The following RIC1 variants were observed in gnomAD, a reference collection of about 807,000 sequenced individuals.
RIC1 encodes the protein guanine nucleotide exchange factor subunit RIC1.
In RIC1, 88 loss-of-function variants were observed where a neutral mutation model predicts 169.0. The ratio of observed to expected loss-of-function variants is 0.52; its 90% CI spans 0.44 to 0.62. RIC1 has a LOEUF of 0.62. RIC1 is among the 20% of genes least tolerant of loss of function. The pLI is 0.00. For synonymous variants in RIC1, 790 were observed against 601.5 expected, an observed-to-expected ratio of 1.31 and a Z score of -4.59; for missense variants, 1,877 against 1,725.5, an observed-to-expected ratio of 1.09 and a Z score of -1.56.
chr9:5,746,670 C>T (rs1036319946), intron 11 of RIC1, among the ~76,000 whole-genome samples: 3 of 152,184 alleles, frequency 2.0e-5, no homozygotes, highest in Admixed American at 6.5e-5. Context: ...AACACTGCCT[C>T]TTGTATTTCT....
At chr9:5,636,465 G>T (rs1210443367) in intron 1 of RIC1, among the ~76,000 whole-genome samples, 1 of 151,968 alleles carries the variant, frequency 6.6e-6, no homozygotes, top group Non-Finnish European at 1.5e-5. Context: ...GATTACAGGT[G>T]CCTGCCACCA....
intron 2 of RIC1, among the ~76,000 whole-genome samples, chr9:5,687,077 G>T (rs1821294805): frequency 6.6e-6 from 1 of 152,102 alleles, no homozygotes; most frequent in South Asian, 2.1e-4. Context: ...TTGGTGGTTT[G>T]TGTTTATCAA....
intron 2 of RIC1, among the ~76,000 whole-genome samples, chr9:5,660,422 T>G (rs7045399): frequency 6.6e-6 from 1 of 152,012 alleles, no homozygotes; most frequent in Non-Finnish European, 1.5e-5. Flanking sequence ...CTTTGAGGAA[T>G]TGCCTACTGT....
At chr9:5,737,925 C>T (rs761114633) in intron 7 of RIC1, among the ~76,000 whole-genome samples, 2 of 152,014 alleles carry the variant, frequency 1.3e-5, no homozygotes, top group South Asian at 2.1e-4. Flanking sequence ...TTCATTGTCA[C>T]CGTGTTCATG....
intron 2 of RIC1, among the ~76,000 whole-genome samples, chr9:5,682,835 C>G (rs1181370718): frequency 1.3e-5 from 2 of 152,176 alleles, no homozygotes; most frequent in African/African-American, 4.8e-5. Flanking sequence ...TCACATAGTC[C>G]TATATTTCTT....
chr9:5,695,375 C>T (rs1010840916), intron 3 of RIC1, among the ~76,000 whole-genome samples: 3 of 152,144 alleles, frequency 2.0e-5, no homozygotes, highest in African/African-American at 4.8e-5. Context: ...AGAGCGCACC[C>T]GCTTTTTTCT....
At chr9:5,656,484 T>G in intron 1 of RIC1, 99 bp from the exon 2 acceptor site, 1 of 550,774 alleles carries the variant, frequency 1.8e-6, no homozygotes. Flanking sequence ...TATTTTACTG[T>G]AAAAATACTT....
At chr9:5,728,057 A>C (rs1225914195) in intron 6 of RIC1, among the ~76,000 whole-genome samples, 2 of 152,018 alleles carry the variant, frequency 1.3e-5, no homozygotes, top group Non-Finnish European at 2.9e-5. Context: ...GCAAACCACT[A>C]CTCTCTTCAA....
intron 2 of RIC1, among the ~76,000 whole-genome samples, chr9:5,682,520 A>G (rs567148662): frequency 5.9e-5 from 9 of 152,282 alleles, no homozygotes; most frequent in South Asian, 2.1e-4. Flanking sequence ...GTTTCTGCCA[A>G]GAGATCGGCT....
chr9:5,654,715 G>C (rs995752393), intron 1 of RIC1, among the ~76,000 whole-genome samples: 1 of 151,480 alleles, frequency 6.6e-6, no homozygotes, highest in African/African-American at 2.4e-5. Context: ...AACCACACCT[G>C]GCTAATTTTT....
chr9:5,698,725 G>C (rs981474427), intron 3 of RIC1, among the ~76,000 whole-genome samples: 6 of 152,106 alleles, frequency 3.9e-5, no homozygotes, highest in Non-Finnish European at 8.8e-5. Flanking sequence ...GTTGCTTTCT[G>C]TGCTGTGTGT....
intron 2 of RIC1, among the ~76,000 whole-genome samples, chr9:5,661,658 TA>T (rs1334222692): frequency 5.9e-5 from 9 of 152,246 alleles, no homozygotes; most frequent in African/African-American, 1.9e-4. Context: ...ATAAGAATGC[TA>T]ATGATTTTTG....
rs138426651 is a variant in RIC1 at position 5,707,837 on chromosome 9, T to C, written c.333-6059T>C. Among the ~76,000 whole-genome samples the C allele has an allele frequency of 2.6e-3, 393 of 152,292 alleles. 3 individuals carry two copies. Among genetic ancestry groups the C allele is most frequent in the South Asian group, 0.013 (63 of 4,828 alleles). ...TTATTCGAATCCATTCTGATAATGCTTGCCTTTTAATGAATGCATTTAATC... is the reference window on the plus strand; with the variant it reads ...TTATTCGAATCCATTCTGATAATGCCTGCCTTTTAATGAATGCATTTAATC... On this transcript the variant is annotated intron_variant, in intron 3 of 25. Transcript: ENST00000414202.
At chr9:5,717,960 C>G (rs555062232) in intron 4 of RIC1, among the ~76,000 whole-genome samples, 1 of 149,148 alleles carries the variant, frequency 6.7e-6, no homozygotes, top group African/African-American at 2.5e-5. Context: ...GCCAACACGG[C>G]GAAACCTTGT....
At chr9:5,730,659 T>G (rs1237936720) in intron 6 of RIC1, among the ~76,000 whole-genome samples, 2 of 152,102 alleles carry the variant, frequency 1.3e-5, no homozygotes, top group African/African-American at 4.8e-5. Context: ...ATTGGGAGAC[T>G]TTTGGGTACT....
rs894495355 is a variant in RIC1 at position 5,629,472 on chromosome 9, C to T, written c.144+19C>T. ...CAGCCGAGTAAGTAGAGCCGCCCGC[C>T]GCCTTTCGCCGCTGCCTCCCCGGCC... On this transcript the variant is annotated intron_variant, in intron 1 of 25. Coordinates refer to ENST00000414202, the MANE Select transcript of RIC1 (RefSeq NM_020829.4). The T allele has an allele frequency of 2.0e-6, 3 of 1,523,754 alleles. No individual in the cohort carries two copies. Among genetic ancestry groups the T allele is most frequent in the African/African-American group, 2.8e-5 (2 of 72,104 alleles). 94.4% of individuals were successfully genotyped at this position (1,523,754 alleles called of 1,614,324 possible). A position where few individuals can be genotyped will look rare whatever the true frequency, so the allele number is the denominator to read the frequency against.
intron 8 of RIC1, 63 bp from the exon 9 acceptor site, chr9:5,742,806 A>G: frequency 6.9e-7 from 1 of 1,439,394 alleles, no homozygotes; most frequent in Middle Eastern, 2.1e-4. Context: ...TTGAAAAAAA[A>G]AAAAAAACAA....
chr9:5,629,222 C>T lies in RIC1; in HGVS notation c.-88C>T, dbSNP rs1193033184. ...GCCGCCGCCGCCGCCGCCGACTCGG[C>T]CGGTGGCGGTGTGGGAGGTGGGCGA... is the stretch of plus-strand genomic sequence containing the variant. On this transcript the variant is annotated 5_prime_UTR_variant, in exon 1 of 26. Coordinates refer to ENST00000414202, the MANE Select transcript of RIC1 (RefSeq NM_020829.4). 23 of 1,234,970 alleles carry T rather than the reference C, an allele frequency of 1.9e-5. No homozygotes were observed. Among genetic ancestry groups the T allele is most frequent in the Non-Finnish European group, 2.1e-5 (20 of 975,220 alleles). 76.5% of individuals were successfully genotyped at this position (1,234,970 alleles called of 1,614,324 possible). A position where few individuals can be genotyped will look rare whatever the true frequency, so the allele number is the denominator to read the frequency against.
chr9:5,715,500 A>G (rs1326702909), intron 4 of RIC1, among the ~76,000 whole-genome samples: 2 of 152,234 alleles, frequency 1.3e-5, no homozygotes, highest in Non-Finnish European at 2.9e-5. Flanking sequence ...CAGCACCTGA[A>G]ACACATAACT....
Sources: allele counts gnomAD v4.1 joint callset (sites outside exome capture counted in the v4.1 genomes callset), GRCh38; gene constraint gnomAD v4.1.1; transcripts MANE v1.5; gene names NCBI Gene and HGNC (gene_info 2026-07-23, HGNC 2026-07-21).